Variants in KIAA1328 observed in about 807,000 individuals in gnomAD.
The protein encoded by KIAA1328 is KIAA1328.
In KIAA1328, 52 loss-of-function variants were observed where a neutral mutation model predicts 68.1. The observed-to-expected ratio is 0.76, with a 90% CI of 0.61 to 0.96. KIAA1328 has a LOEUF of 0.96. Among genes scored for constraint, KIAA1328 ranks in the 40% least tolerant of loss-of-function variants. The pLI is 0.00. For missense variants in KIAA1328, 641 were observed against 677.6 expected (o/e 0.95, Z 0.60); for synonymous variants, 232 against 239.4 (o/e 0.97, Z 0.28).
At chr18:37,166,417 C>T (rs183539796) in intron 8 of KIAA1328, among the ~76,000 whole-genome samples, 2 of 152,098 alleles carry the variant, frequency 1.3e-5, no homozygotes, top group South Asian at 4.1e-4. Context: ...TTTCTTAAAA[C>T]ATTATGAGAT....
chr18:37,083,961 GTGTTTGTTTA>G (rs1209679040), intron 7 of KIAA1328, among the ~76,000 whole-genome samples: 1 of 152,090 alleles, frequency 6.6e-6, no homozygotes, highest in Non-Finnish European at 1.5e-5. Flanking sequence ...AAATCAATTT[GTGTTTGTTTA>G]TGTATATTTA....
chr18:37,103,718 C>A (rs1293886933), intron 7 of KIAA1328, among the ~76,000 whole-genome samples: 3 of 151,978 alleles, frequency 2.0e-5, no homozygotes. Context: ...AAAAGAAACC[C>A]TGTATAGTAG....
intron 9 of KIAA1328, chr18:37,193,642 GTTCT>G: frequency 2.8e-6 from 2 of 702,446 alleles, no homozygotes; most frequent in Middle Eastern, 2.3e-4. Flanking sequence ...TCTTCATATT[GTTCT>G]CCTAGACAAA....
intron 7 of KIAA1328, among the ~76,000 whole-genome samples, chr18:37,158,829 A>G (rs764084286): frequency 2.6e-5 from 4 of 152,138 alleles, no homozygotes; most frequent in Non-Finnish European, 5.9e-5. Flanking sequence ...TGGGGAAGCC[A>G]ATGGTTGGGG....
rs182594685 is a variant in KIAA1328, at chr18:36,941,073, G to T, written c.449-18235G>T. Among the ~76,000 whole-genome samples the T allele has an allele frequency of 4.0e-3, 602 of 152,202 alleles. 5 individuals are homozygous for T. Among genetic ancestry groups the T allele is most frequent in the African/African-American group, 0.014 (571 of 41,530 alleles). ...ATCCCATTTTTTGAGTCAGTTGGAC[G>T]TTTACTCACCTCAGGCTTCTGGAAA... On this transcript the variant is annotated intron_variant, in intron 5 of 9. Transcript: ENST00000280020.
At chr18:37,028,901 G>T (rs1158645517) in intron 6 of KIAA1328, among the ~76,000 whole-genome samples, 2 of 152,066 alleles carry the variant, frequency 1.3e-5, no homozygotes, top group Admixed American at 6.6e-5. Flanking sequence ...GCTTTTTGAG[G>T]TGCTGCTGGA....
intron 5 of KIAA1328, among the ~76,000 whole-genome samples, chr18:36,892,504 T>C (rs1297663445): frequency 2.0e-5 from 3 of 152,198 alleles, no homozygotes; most frequent in Admixed American, 6.5e-5. Context: ...GTTTTTGTTT[T>C]TTTTGTTTAC....
intron 6 of KIAA1328, among the ~76,000 whole-genome samples, chr18:37,047,374 T>A (rs2055516225): frequency 6.6e-6 from 1 of 152,178 alleles, no homozygotes; most frequent in African/African-American, 2.4e-5. Flanking sequence ...ATTGGCCATC[T>A]ACTATATTAG....
At chr18:37,198,651 A>G (rs907242351) in intron 9 of KIAA1328, among the ~76,000 whole-genome samples, 4 of 152,238 alleles carry the variant, frequency 2.6e-5, no homozygotes, top group Non-Finnish European at 5.9e-5. Flanking sequence ...AGAAGCACAA[A>G]GAAAGTGGTT....
At chr18:36,921,479 C>G (rs1291880172) in intron 5 of KIAA1328, among the ~76,000 whole-genome samples, 1 of 152,150 alleles carries the variant, frequency 6.6e-6, no homozygotes, top group Admixed American at 6.6e-5. Flanking sequence ...TATCGGCTCA[C>G]TGTAAGCTCC....
At position 36,883,949 on chromosome 18, in the gene KIAA1328, A is replaced by G. The variant is rs575676076; in HGVS notation, c.333-1608A>G. Among the ~76,000 whole-genome samples the G allele has an allele frequency of 1.5e-4, 11 of 75,798 alleles. No homozygotes were observed. The East Asian group carries it at 2.5e-3, about 18-fold the overall frequency. The allele number at this position is 75,798 out of a possible 152,430, so 49.7% of individuals were successfully genotyped here. On this transcript the variant is annotated intron_variant, in intron 4 of 9. Transcript: ENST00000280020. ...CTTTACAAATGCTTTCCATATTTAT[A>G]AAGTATATATATATATATATACACA... is the stretch of plus-strand genomic sequence containing the variant.
chr18:36,952,663 C>T (rs750063645), intron 5 of KIAA1328, among the ~76,000 whole-genome samples: 6 of 152,152 alleles, frequency 3.9e-5, no homozygotes, highest in Non-Finnish European at 8.8e-5. Context: ...TGCCTTTGTA[C>T]GTCTTATGCC....
chr18:36,902,736 A>G (rs1204715516), intron 5 of KIAA1328, among the ~76,000 whole-genome samples: 1 of 152,016 alleles, frequency 6.6e-6, no homozygotes, highest in Non-Finnish European at 1.5e-5. Flanking sequence ...CCTCTTTTTT[A>G]GAGATGATGA....
intron 5 of KIAA1328, among the ~76,000 whole-genome samples, chr18:36,908,243 G>A (rs2121024): frequency 0.14 from 20,722 of 152,150 alleles, 1,763 homozygotes; most frequent in Admixed American, 0.18. Context: ...TTTGTGTCCT[G>A]TAGTTGACTA....
At chr18:36,854,134 G>C (rs1355893694) in intron 4 of KIAA1328, among the ~76,000 whole-genome samples, 3 of 152,206 alleles carry the variant, frequency 2.0e-5, no homozygotes, top group Non-Finnish European at 4.4e-5. Flanking sequence ...ACCTATATAA[G>C]AAGAGTAGAT....
intron 5 of KIAA1328, among the ~76,000 whole-genome samples, chr18:36,956,233 C>G (rs1332232478): frequency 6.6e-6 from 1 of 152,124 alleles, no homozygotes; most frequent in East Asian, 1.9e-4. Context: ...TTTATTTGTG[C>G]TACCTCATGA....
chr18:37,054,233 C>G (rs915743113), intron 6 of KIAA1328, among the ~76,000 whole-genome samples: 5 of 151,998 alleles, frequency 3.3e-5, no homozygotes, highest in African/African-American at 1.2e-4. Context: ...TAGTTCATCC[C>G]CTATGGAAAA....
At chr18:37,051,894 T>G (rs568026507) in intron 6 of KIAA1328, among the ~76,000 whole-genome samples, 26 of 152,088 alleles carry the variant, frequency 1.7e-4, no homozygotes, top group Non-Finnish European at 2.8e-4. Flanking sequence ...ATACAAAAAT[T>G]AGCCAGGCGT....
intron 5 of KIAA1328, among the ~76,000 whole-genome samples, chr18:36,953,139 C>T (rs976401836): frequency 5.3e-5 from 8 of 150,690 alleles, no homozygotes; most frequent in African/African-American, 1.9e-4. Context: ...CTGCTTTGCC[C>T]CCTCTCGTGT....
Sources: allele counts gnomAD v4.1 joint callset (sites outside exome capture counted in the v4.1 genomes callset), GRCh38; gene constraint gnomAD v4.1.1; transcripts MANE v1.5; gene names NCBI Gene and HGNC (gene_info 2026-07-23, HGNC 2026-07-21).